Variants in GABRG3 observed in about 807,000 individuals in gnomAD.
GABRG3 encodes the protein gamma-aminobutyric acid type A receptor subunit gamma3, also known as gamma-aminobutyric acid receptor subunit gamma-3.
In GABRG3, 25 loss-of-function variants were observed where a neutral mutation model predicts 48.8. The ratio of observed to expected loss-of-function variants is 0.51; its 90% CI spans 0.37 to 0.72. The LOEUF (loss-of-function observed/expected upper bound fraction) is 0.72. GABRG3 is among the 30% of genes least tolerant of loss of function. The pLI is 0.00. For synonymous variants in GABRG3, 227 were observed against 217.6 expected (o/e 1.04, Z -0.38); for missense variants, 394 against 577.9 (o/e 0.68, Z 3.26).
At chr15:27,216,136 G>A (rs900350611) in intron 3 of GABRG3, among the ~76,000 whole-genome samples, 13 of 152,194 alleles carry the variant, frequency 8.5e-5, no homozygotes, top group African/African-American at 2.7e-4. Flanking sequence ...GAGAGTAGCC[G>A]TCCTGTAGAT....
intron 3 of GABRG3, among the ~76,000 whole-genome samples, chr15:27,291,329 A>G (rs1383883457): frequency 2.0e-5 from 3 of 152,222 alleles, no homozygotes; most frequent in African/African-American, 4.8e-5. Context: ...GATATCACTT[A>G]TATTTTAAGA....
chr15:27,291,799 A>G (rs1891800617), intron 3 of GABRG3, among the ~76,000 whole-genome samples: 1 of 152,208 alleles, frequency 6.6e-6, no homozygotes, highest in Non-Finnish European at 1.5e-5. Flanking sequence ...ACACTGTTGG[A>G]TCAGCTCTCC....
At chr15:27,382,535 G>A (rs140727380) in intron 5 of GABRG3, among the ~76,000 whole-genome samples, 13 of 152,206 alleles carry the variant, frequency 8.5e-5, no homozygotes, top group Non-Finnish European at 1.8e-4. Flanking sequence ...GGGAGCCACT[G>A]GAGAGCTTTG....
rs76704852 is a variant in GABRG3, at chr15:27,522,558, G to T, written c.865+2434G>T. 5.7e-3 allele frequency among the ~76,000 whole-genome samples: 869 copies of T among 151,734 alleles called. 4 individuals are homozygous for T. Among genetic ancestry groups the T allele is most frequent in the Admixed American group, 9.7e-3 (148 of 15,254 alleles). On this transcript the variant is annotated intron_variant, in intron 7 of 9. Coordinates refer to ENST00000615808, the MANE Select transcript of GABRG3 (RefSeq NM_033223.5). ...AGCCATAAATAGCAATGAGGTTGGGGGACATATGGAACTATGTTCCTATGT... is the reference window on the plus strand; with the variant it reads ...AGCCATAAATAGCAATGAGGTTGGGTGACATATGGAACTATGTTCCTATGT...
At chr15:27,412,569 T>A (rs1417368653) in intron 5 of GABRG3, among the ~76,000 whole-genome samples, 1 of 152,138 alleles carries the variant, frequency 6.6e-6, no homozygotes, top group Non-Finnish European at 1.5e-5. Context: ...CATAAATCAG[T>A]GAACTAAGCT....
intron 6 of GABRG3, among the ~76,000 whole-genome samples, chr15:27,492,648 TTTC>T (rs1890383645): frequency 6.6e-6 from 1 of 152,254 alleles, no homozygotes; most frequent in Admixed American, 6.5e-5. Context: ...ATATTGTTTG[TTTC>T]ATAAGCAGAT....
chr15:27,410,007 A>G (rs746922650), intron 5 of GABRG3, among the ~76,000 whole-genome samples: 3 of 152,162 alleles, frequency 2.0e-5, no homozygotes, highest in Non-Finnish European at 4.4e-5. Context: ...TGGTCCTGAT[A>G]TTGGGGATGA....
intron 3 of GABRG3, among the ~76,000 whole-genome samples, chr15:27,070,885 A>G (rs1011720472): frequency 3.3e-5 from 5 of 152,242 alleles, no homozygotes; most frequent in African/African-American, 1.2e-4. Flanking sequence ...GTAGCCCCTC[A>G]GAGCCTCCCT....
chr15:27,304,363 G>T (rs1424549945), intron 3 of GABRG3, among the ~76,000 whole-genome samples: 2 of 151,762 alleles, frequency 1.3e-5, no homozygotes, highest in Non-Finnish European at 2.9e-5. Flanking sequence ...GTAAATCACA[G>T]GATACAAGAT....
intron 3 of GABRG3, among the ~76,000 whole-genome samples, chr15:27,267,290 A>G (rs1445829324): frequency 6.6e-6 from 1 of 151,756 alleles, no homozygotes; most frequent in African/African-American, 2.4e-5. Context: ...TATTTTTAGT[A>G]GTGACAGGGT....
intron 3 of GABRG3, among the ~76,000 whole-genome samples, chr15:27,177,271 G>A (rs1320863309): frequency 2.6e-5 from 4 of 152,168 alleles, no homozygotes; most frequent in African/African-American, 9.7e-5. Context: ...CAATGCAAAA[G>A]TCTGAGAAAT....
chr15:27,341,202 A>C, intron 5 of GABRG3, among the ~76,000 whole-genome samples: 1 of 152,164 alleles, frequency 6.6e-6, no homozygotes, highest in Admixed American at 6.5e-5. Context: ...ATTTAATGGT[A>C]GGGTACTTTT....
At chr15:27,294,900 T>A (rs1891927357) in intron 3 of GABRG3, 2 of 152,144 alleles carry the variant, frequency 1.3e-5, no homozygotes, top group African/African-American at 4.8e-5. Context: ...TGCAACAGAA[T>A]TTATTCCGGA....
chr15:27,024,354 T>C (rs1895948404), intron 2 of GABRG3, among the ~76,000 whole-genome samples: 1 of 152,224 alleles, frequency 6.6e-6, no homozygotes, highest in African/African-American at 2.4e-5. Context: ...GATGTTCTGG[T>C]GTTATATCCA....
chr15:27,335,517 C>G (rs1893934711), intron 5 of GABRG3, among the ~76,000 whole-genome samples: 1 of 152,148 alleles, frequency 6.6e-6, no homozygotes, highest in Admixed American at 6.5e-5. Flanking sequence ...CATGCTATAC[C>G]ACGGATGTTC....
chr15:27,128,099 C>T (rs371562764), intron 3 of GABRG3, among the ~76,000 whole-genome samples: 10 of 149,134 alleles, frequency 6.7e-5, no homozygotes, highest in East Asian at 3.9e-4. Context: ...TGGTGGCTCA[C>T]GCCTGTAATC....
intron 3 of GABRG3, among the ~76,000 whole-genome samples, chr15:27,124,875 C>T (rs1322915990): frequency 6.6e-6 from 1 of 152,148 alleles, no homozygotes; most frequent in Non-Finnish European, 1.5e-5. Flanking sequence ...TTTTCTTTTT[C>T]AGCAGTGCTG....
At chr15:27,495,369 T>A (rs1187019975) in intron 6 of GABRG3, among the ~76,000 whole-genome samples, 1 of 152,248 alleles carries the variant, frequency 6.6e-6, no homozygotes, top group Non-Finnish European at 1.5e-5. Context: ...TCATTCATGC[T>A]TTGATGGATA....
intron 2 of GABRG3, among the ~76,000 whole-genome samples, chr15:26,986,670 A>C (rs1004890565): frequency 6.6e-6 from 1 of 152,196 alleles, no homozygotes; most frequent in East Asian, 1.9e-4. Context: ...TTCAGCATCT[A>C]AGTATTTTAT....
Sources: allele counts gnomAD v4.1 joint callset (sites outside exome capture counted in the v4.1 genomes callset), GRCh38; gene constraint gnomAD v4.1.1; transcripts MANE v1.5; gene names NCBI Gene and HGNC (gene_info 2026-07-23, HGNC 2026-07-21).